Variants in LPA observed in about 807,000 individuals in gnomAD.
The protein encoded by LPA is apolipoprotein(a).
A neutral mutation model predicts 197.9 loss-of-function variants in LPA; 199 were observed. The ratio of observed to expected loss-of-function variants is 1.01; its 90% CI spans 0.90 to 1.13. LPA has a LOEUF of 1.13. LPA is among the 50% of genes most tolerant of loss of function. LPA has a pLI of 0.00. For synonymous variants in LPA, 715 were observed against 639.5 expected, an observed-to-expected ratio of 1.12 and a Z score of -1.78; for missense variants, 1,853 against 1,785.8, an observed-to-expected ratio of 1.04 and a Z score of -0.68.
At chr6:160,549,505 A>G (rs1778133622) in intron 30 of LPA, among the ~76,000 whole-genome samples, 1 of 152,112 alleles carries the variant, frequency 6.6e-6, no homozygotes, top group African/African-American at 2.4e-5. Flanking sequence ...ACTAACATAT[A>G]TTTCTCCAAG....
intron 1 of LPA, among the ~76,000 whole-genome samples, chr6:160,658,808 G>T (rs1321145643): frequency 6.6e-6 from 1 of 151,684 alleles, no homozygotes; most frequent in African/African-American, 2.4e-5. Flanking sequence ...TGTTCCTCAA[G>T]AACCACTTCT....
chr6:160,609,814 T>G (rs758473465), intron 16 of LPA, among the ~76,000 whole-genome samples: 1 of 151,948 alleles, frequency 6.6e-6, no homozygotes, highest in Non-Finnish European at 1.5e-5. Context: ...TGCATGTGTG[T>G]GTGTATGGGT....
At chr6:160,584,435 G>A (rs1008199995) in intron 26 of LPA, among the ~76,000 whole-genome samples, 1 of 149,082 alleles carries the variant, frequency 6.7e-6, no homozygotes, top group Non-Finnish European at 1.5e-5. Flanking sequence ...AGGCTCAAGT[G>A]TTTCTCCTGC....
At chr6:160,532,868 G>C (rs943954552) in intron 37 of LPA, among the ~76,000 whole-genome samples, 6 of 152,190 alleles carry the variant, frequency 3.9e-5, no homozygotes, top group Non-Finnish European at 8.8e-5. Flanking sequence ...TCTGGGCTTT[G>C]TCATGCTGCT....
chr6:160,553,478 G>A (rs1370124601), intron 30 of LPA, among the ~76,000 whole-genome samples: 1 of 152,018 alleles, frequency 6.6e-6, no homozygotes, highest in African/African-American at 2.4e-5. Flanking sequence ...GTTTGTTTTG[G>A]CTGGACATGT....
At chr6:160,611,461 T>G in intron 16 of LPA, 101 bp downstream of exon 16, 4 of 1,546,444 alleles carry the variant, frequency 2.6e-6, no homozygotes, top group Non-Finnish European at 3.5e-6. Flanking sequence ...CATCTGAATC[T>G]GACACAAGTT....
chr6:160,593,240 G>A (rs1390204978), intron 22 of LPA, among the ~76,000 whole-genome samples: 1 of 152,108 alleles, frequency 6.6e-6, no homozygotes, highest in African/African-American at 2.4e-5. Flanking sequence ...GACATGATAA[G>A]GTTGATCTCC....
chr6:160,581,299 T>A (rs1778790502), intron 26 of LPA, among the ~76,000 whole-genome samples: 1 of 152,064 alleles, frequency 6.6e-6, no homozygotes, highest in South Asian at 2.1e-4. Flanking sequence ...GTATTTTTTG[T>A]TTGTTTGTTT....
rs752112369 is a variant in LPA at position 160,586,109 on chromosome 6, G to T, written c.4129+340C>A. On this transcript the variant is annotated intron_variant, in intron 25 of 38. Coordinates refer to ENST00000316300, the MANE Select transcript of LPA (RefSeq NM_005577.4). Reference sequence around the variant, plus strand: ...CACTGCCTACTTGAAGAAAGGGCTGGACAGGCTTAGGAGCTTGGTATATCT... The same window carrying T: ...CACTGCCTACTTGAAGAAAGGGCTGTACAGGCTTAGGAGCTTGGTATATCT... Among the ~76,000 whole-genome samples, 31 of 152,206 alleles carry T rather than the reference G, an allele frequency of 2.0e-4. 1 individual carries two copies. Among genetic ancestry groups the T allele is most frequent in the Non-Finnish European group, 5.9e-5 (4 of 68,034 alleles).
At chr6:160,648,056 T>C (rs1779934119) in intron 2 of LPA, among the ~76,000 whole-genome samples, 1 of 152,226 alleles carries the variant, frequency 6.6e-6, no homozygotes. Context: ...GAGTGCACAA[T>C]GTGCATTCCT....
chr6:160,653,494 A>C (rs1022116523), intron 1 of LPA, among the ~76,000 whole-genome samples: 5 of 53,098 alleles, frequency 9.4e-5, no homozygotes, highest in African/African-American at 6.0e-4. Context: ...TGAGTTTTAG[A>C]ACTCAATAAT....
chr6:160,593,950 G>A lies in LPA; in HGVS notation c.3629+8C>T, dbSNP rs1377353596. 8 of 1,613,440 alleles carry A rather than the reference G, an allele frequency of 5.0e-6. No individual in the cohort carries two copies. The highest frequency in any genetic ancestry group is 5.9e-6 in the Non-Finnish European group (7 of 1,179,708). On this transcript the variant is annotated splice_region_variant and intron_variant, in intron 22 of 38. Transcript: ENST00000316300. ...CTGTCTGTCTTTGAAGAAAACTCAA[G>A]GTTGTACCCATTTGGATAATATTCT...
At chr6:160,541,488 C>A (rs1349584515) in intron 34 of LPA, among the ~76,000 whole-genome samples, 2 of 152,154 alleles carry the variant, frequency 1.3e-5, no homozygotes, top group African/African-American at 4.8e-5. Context: ...CACCCCACAG[C>A]CCTGGACTCT....
At chr6:160,555,284 ATTATATGTT>A (rs1446941983) in intron 30 of LPA, among the ~76,000 whole-genome samples, 2 of 118,666 alleles carry the variant, frequency 1.7e-5, no homozygotes, top group African/African-American at 6.7e-5. Context: ...ATTATATTAT[ATTATATGTT>A]AGTGTGTGTG....
intron 1 of LPA, among the ~76,000 whole-genome samples, chr6:160,656,254 G>A (rs1481993013): frequency 6.6e-6 from 1 of 152,126 alleles, no homozygotes; most frequent in Admixed American, 6.5e-5. Flanking sequence ...TCCAGGGATG[G>A]GATATTGTTT....
chr6:160,545,376 GC>G lies in LPA; in HGVS notation c.5398+63del, dbSNP rs570964855. On this transcript the variant is annotated intron_variant, in intron 33 of 38. Transcript: ENST00000316300. Reference sequence around the variant, plus strand: ...TCAAAAGCCATTTTCTGTTTTTTTTGCTTTTTTTTTTCCAAATCCATATTAA... The same window carrying G: ...TCAAAAGCCATTTTCTGTTTTTTTTGTTTTTTTTTTCCAAATCCATATTAA... 6.0e-3 allele frequency: 6,438 copies of G among 1,078,588 alleles called. 145 individuals carry two copies. In the African/African-American group the frequency reaches 0.069, roughly 12 times the overall value. 66.8% of individuals were successfully genotyped at this position (1,078,588 alleles called of 1,614,324 possible).
intron 28 of LPA, among the ~76,000 whole-genome samples, chr6:160,558,859 G>A (rs1412661654): frequency 6.6e-6 from 1 of 152,150 alleles, no homozygotes; most frequent in Non-Finnish European, 1.5e-5. Flanking sequence ...GCAGCTCTCT[G>A]AGAAAACCTG....
At chr6:160,560,211 C>T (rs1014354927) in intron 28 of LPA, among the ~76,000 whole-genome samples, 2 of 152,138 alleles carry the variant, frequency 1.3e-5, no homozygotes, top group Non-Finnish European at 2.9e-5. Context: ...TCAGTTGGTT[C>T]CAAGTCTTTG....
At chr6:160,599,292 G>A (rs760648109) in intron 20 of LPA, among the ~76,000 whole-genome samples, 4 of 152,130 alleles carry the variant, frequency 2.6e-5, no homozygotes, top group Non-Finnish European at 4.4e-5. Context: ...GCAGTGAGCC[G>A]AGATCATGCC....
Sources: gnomAD v4.1 joint callset for allele counts (sites outside exome capture counted in the v4.1 genomes callset) on GRCh38, gnomAD v4.1.1 for gene constraint, MANE v1.5 for transcripts, NCBI Gene and HGNC (gene_info 2026-07-23, HGNC 2026-07-21) for gene names.